The following PIBF1 variants were observed in gnomAD, a reference collection of about 807,000 sequenced individuals.
PIBF1 encodes the protein progesterone immunomodulatory binding factor 1.
Under a neutral mutation model 112.5 loss-of-function variants are expected in PIBF1, and 90 were observed. The ratio of observed to expected loss-of-function variants is 0.80; its 90% CI spans 0.67 to 0.95. The LOEUF is 0.95. Among genes scored for constraint, PIBF1 ranks in the 40% least tolerant of loss-of-function variants. The pLI is 0.00. For synonymous variants in PIBF1, 301 were observed against 288.6 expected, an observed-to-expected ratio of 1.04 and a Z score of -0.44; for missense variants, 915 against 852.3, an observed-to-expected ratio of 1.07 and a Z score of -0.92.
chr13:72,940,486 G>A (rs1253190648), intron 14 of PIBF1, among the ~76,000 whole-genome samples: 1 of 151,724 alleles, frequency 6.6e-6, no homozygotes, highest in African/African-American at 2.4e-5. Flanking sequence ...TCATTTCATG[G>A]CTGCCTTCAA....
At chr13:72,960,815 A>G (rs865927934) in intron 14 of PIBF1, among the ~76,000 whole-genome samples, 10 of 152,332 alleles carry the variant, frequency 6.6e-5, no homozygotes, top group Admixed American at 5.2e-4. Flanking sequence ...CCAGCTGCAT[A>G]TTTGAATGTT....
chr13:72,945,430 T>C (rs2042123760), intron 14 of PIBF1, among the ~76,000 whole-genome samples: 1 of 152,230 alleles, frequency 6.6e-6, no homozygotes, highest in Non-Finnish European at 1.5e-5. Flanking sequence ...GGTTGAATGA[T>C]AGCTGTGTTT....
At chr13:73,010,805 C>CTTCTCTTTTTTTTT (rs1396150238) in intron 17 of PIBF1, among the ~76,000 whole-genome samples, 1 of 52,594 alleles carries the variant, frequency 1.9e-5, no homozygotes, top group Non-Finnish European at 3.5e-5. Flanking sequence ...AAATCATTAA[C>CTTCTCTTTTTTTTT]TTTTCTTTTT....
chr13:72,854,460 C>T (rs552858243), intron 10 of PIBF1, among the ~76,000 whole-genome samples: 2 of 152,296 alleles, frequency 1.3e-5, no homozygotes, highest in East Asian at 3.9e-4. Context: ...TGCTACTACT[C>T]AAGAGGCACC....
At chr13:72,981,908 A>G (rs2043166756) in intron 16 of PIBF1, among the ~76,000 whole-genome samples, 1 of 152,244 alleles carries the variant, frequency 6.6e-6, no homozygotes, top group African/African-American at 2.4e-5. Context: ...AAAAGCCAGC[A>G]GTCAGACAGA....
intron 13 of PIBF1, among the ~76,000 whole-genome samples, chr13:72,917,484 G>A (rs1466956583): frequency 6.6e-6 from 1 of 151,026 alleles, no homozygotes; most frequent in Non-Finnish European, 1.5e-5. Context: ...AATTCATTGT[G>A]CTTTTTTTTT....
chr13:72,872,395 T>C (rs533073038), intron 10 of PIBF1, among the ~76,000 whole-genome samples: 1 of 152,278 alleles, frequency 6.6e-6, no homozygotes, highest in East Asian at 1.9e-4. Flanking sequence ...ATTTAGGAAT[T>C]GTACTTGAAA....
intron 5 of PIBF1, among the ~76,000 whole-genome samples, chr13:72,811,357 C>T (rs2036001078): frequency 6.6e-6 from 1 of 152,050 alleles, no homozygotes; most frequent in East Asian, 1.9e-4. Context: ...AATACCAGCA[C>T]TCTGGGAGCC....
At chr13:72,945,348 G>A (rs1345687702) in intron 14 of PIBF1, among the ~76,000 whole-genome samples, 2 of 152,140 alleles carry the variant, frequency 1.3e-5, no homozygotes, top group Non-Finnish European at 2.9e-5. Context: ...GTGCTGTGAT[G>A]GGCATGTGAG....
chr13:72,923,919 A>G (rs926871428), intron 13 of PIBF1, among the ~76,000 whole-genome samples: 12 of 152,194 alleles, frequency 7.9e-5, no homozygotes, highest in Non-Finnish European at 1.5e-4. Flanking sequence ...AGCCCAGGTC[A>G]CGCCATTGCA....
At chr13:72,829,233 A>G (rs932941322) in intron 8 of PIBF1, among the ~76,000 whole-genome samples, 26 of 152,246 alleles carry the variant, frequency 1.7e-4, no homozygotes, top group African/African-American at 5.8e-4. Context: ...GAGTTTGCCT[A>G]TCCACCCTAA....
chr13:72,801,002 T>C (rs1259227512), intron 5 of PIBF1, among the ~76,000 whole-genome samples: 1 of 152,080 alleles, frequency 6.6e-6, no homozygotes. Context: ...GGGAAGAGCT[T>C]CTAGGTAGCA....
chr13:72,992,178 G>A (rs2043502859), intron 16 of PIBF1, among the ~76,000 whole-genome samples: 1 of 152,168 alleles, frequency 6.6e-6, no homozygotes, highest in Non-Finnish European at 1.5e-5. Flanking sequence ...GGACATAAGA[G>A]TGAGACCCTG....
chr13:72,830,913 T>G (rs183454297), intron 8 of PIBF1, among the ~76,000 whole-genome samples: 16 of 152,300 alleles, frequency 1.1e-4, no homozygotes, highest in Admixed American at 9.8e-4. Context: ...GATTTTTTTT[T>G]GGTTGGTAGG....
intron 5 of PIBF1, among the ~76,000 whole-genome samples, chr13:72,819,823 C>G (rs746199661): frequency 6.6e-6 from 1 of 152,104 alleles, no homozygotes; most frequent in East Asian, 1.9e-4. Context: ...TAGTACCAAT[C>G]AGTAGTGTTT....
At chr13:72,899,442 A>G (rs1389904029) in intron 11 of PIBF1, among the ~76,000 whole-genome samples, 1 of 152,262 alleles carries the variant, frequency 6.6e-6, no homozygotes, top group Non-Finnish European at 1.5e-5. Context: ...AGTAGGTTTC[A>G]TACCAGGGAT....
At chr13:72,928,617 T>C (rs939924336) in intron 13 of PIBF1, among the ~76,000 whole-genome samples, 2 of 152,082 alleles carry the variant, frequency 1.3e-5, no homozygotes, top group African/African-American at 4.8e-5. Context: ...TTTTTGTATT[T>C]TTAGTAGAGA....
intron 14 of PIBF1, among the ~76,000 whole-genome samples, chr13:72,944,557 G>T (rs1453980817): frequency 6.6e-6 from 1 of 151,856 alleles, no homozygotes; most frequent in Non-Finnish European, 1.5e-5. Context: ...CTTATCAAAT[G>T]CAGAAGTGTA....
chr13:72,985,371 C>CAAAAAAA (rs67195605), intron 16 of PIBF1, among the ~76,000 whole-genome samples: 41 of 76,274 alleles, frequency 5.4e-4, no homozygotes, highest in Non-Finnish European at 6.5e-4. Context: ...ACTAAAAATA[C>CAAAAAAA]AAAAAAAAAA....
Sources: gnomAD v4.1 joint callset for allele counts (sites outside exome capture counted in the v4.1 genomes callset) on GRCh38, gnomAD v4.1.1 for gene constraint, MANE v1.5 for transcripts, NCBI Gene and HGNC (gene_info 2026-07-23, HGNC 2026-07-21) for gene names.